PSMA6: variants seen among roughly 807,000 people sequenced by gnomAD.
The protein encoded by PSMA6 is proteasome 20S subunit alpha 6.
For synonymous variants in PSMA6, 88 were observed against 97.7 expected (o/e 0.90, Z 0.59); for missense variants, 170 against 294.8 (o/e 0.58, Z 3.10).
upstream of PSMA6, among the ~76,000 whole-genome samples, chr14:35,290,855 AC>A (rs2051469910): frequency 6.6e-6 from 1 of 152,136 alleles, no homozygotes; most frequent in African/African-American, 2.4e-5. Flanking sequence ...TCCCGGAGCT[AC>A]CTCGCCAGCT....
intron 1 of PSMA6, among the ~76,000 whole-genome samples, chr14:35,297,210 A>G (rs1338267067): frequency 2.6e-5 from 2 of 78,304 alleles, no homozygotes; most frequent in Non-Finnish European, 4.9e-5. Flanking sequence ...ATCCCGTTTT[A>G]TTTTTATTTT....
intron 1 of PSMA6, among the ~76,000 whole-genome samples, chr14:35,295,278 A>G (rs1212323551): frequency 3.3e-5 from 5 of 151,864 alleles, no homozygotes; most frequent in Non-Finnish European, 7.4e-5. Flanking sequence ...CAGAGGTTGC[A>G]GTGAGCCAAG....
At chr14:35,305,247 A>G (rs976666578) in intron 1 of PSMA6, among the ~76,000 whole-genome samples, 1 of 149,320 alleles carries the variant, frequency 6.7e-6, no homozygotes, top group Non-Finnish European at 1.5e-5. Context: ...GGCTCAAGTG[A>G]TCCTCTTGCC....
chr14:35,308,934 C>T lies in PSMA6; in HGVS notation c.192C>T (p.Ser64=), dbSNP rs1429225337. The T allele has an allele frequency of 2.5e-6, 4 of 1,607,934 alleles. No individual in the cohort carries two copies. In the South Asian group the frequency reaches 4.4e-5, roughly 18 times the overall value. Reference sequence around the variant, plus strand: ...ATTAGGACAAATTATTGGATTCCAGCACAGTGACTCACTTATTCAAGATAA... The same window carrying T: ...ATTAGGACAAATTATTGGATTCCAGTACAGTGACTCACTTATTCAAGATAA... ...KKVPDKLLDS[S]TVTHLFKITE... is the part of the protein sequence containing the mutation. The change falls in exon 3 of 7, where the codon AGC becomes AGT. Residue 64 remains serine, a synonymous_variant. Coordinates refer to ENST00000261479, the MANE Select transcript of PSMA6 (RefSeq NM_002791.3).
At chr14:35,305,216 C>T (rs758796841) in intron 1 of PSMA6, among the ~76,000 whole-genome samples, 9 of 150,196 alleles carry the variant, frequency 6.0e-5, no homozygotes, top group Admixed American at 1.3e-4. Context: ...GAGCACGGCT[C>T]ACTGCAGCCT....
intron 1 of PSMA6, among the ~76,000 whole-genome samples, chr14:35,302,830 A>G (rs778272695): frequency 4.0e-5 from 6 of 151,728 alleles, no homozygotes; most frequent in Non-Finnish European, 7.4e-5. Context: ...TACGTATTAT[A>G]TTTTTCAGTT....
At chr14:35,297,254 C>A (rs1180231600) in intron 1 of PSMA6, among the ~76,000 whole-genome samples, 1 of 149,740 alleles carries the variant, frequency 6.7e-6, no homozygotes, top group Non-Finnish European at 1.5e-5. Context: ...CTCGCTCTGT[C>A]ACCCAGGCTG....
chr14:35,305,312 T>A (rs1285343687), intron 1 of PSMA6, among the ~76,000 whole-genome samples: 1 of 152,096 alleles, frequency 6.6e-6, no homozygotes, highest in East Asian at 1.9e-4. Flanking sequence ...AGCTAACATT[T>A]TTTTGTAGAG....
At chr14:35,280,374 C>CT (rs547704339) in intron 1 of PSMA6, among the ~76,000 whole-genome samples, 14,830 of 140,434 alleles carry the variant, frequency 0.11, 777 homozygotes, top group Middle Eastern at 0.16. Context: ...CTCATTGTTT[C>CT]TTTTTTTTTT....
intron 1 of PSMA6, among the ~76,000 whole-genome samples, chr14:35,299,322 A>C (rs1594382849): frequency 4.5e-5 from 1 of 22,238 alleles, no homozygotes; most frequent in African/African-American, 1.5e-4. Flanking sequence ...CGCAGTGCCC[A>C]GCCTCTTTTT....
chr14:35,317,194 G>C lies in PSMA6; in HGVS notation c.684-55G>C, dbSNP rs1027291243. The stretch of plus-strand genomic sequence containing the variant: ...TTATTATACTATCCCACTTTTACGT[G>C]TGTTTGAAAAAATTTTTTTTAAATC... On this transcript the variant is annotated intron_variant, in intron 6 of 6. Transcript: ENST00000261479. The C allele has an allele frequency of 2.0e-5, 28 of 1,434,208 alleles. No homozygotes were observed. In the Admixed American group the frequency reaches 4.5e-4, roughly 23 times the overall value. 88.8% of individuals were successfully genotyped at this position (1,434,208 alleles called of 1,614,324 possible). A position where few individuals can be genotyped will look rare whatever the true frequency, so the allele number is the denominator to read the frequency against.
At chr14:35,289,915 C>CAA (rs750610944), upstream of PSMA6, among the ~76,000 whole-genome samples, 8,044 of 79,008 alleles carry the variant, frequency 0.1, 1,000 homozygotes, top group African/African-American at 0.26. Context: ...TACCGCATTT[C>CAA]AAAAAAAAAA....
At chr14:35,288,064 A>G (rs981173190), upstream of PSMA6, among the ~76,000 whole-genome samples, 1 of 152,240 alleles carries the variant, frequency 6.6e-6, no homozygotes, top group Non-Finnish European at 1.5e-5. Context: ...TCTCTCATTT[A>G]CTGACAAATC....
At chr14:35,282,464 T>G (rs1013950650) in intron 1 of PSMA6, among the ~76,000 whole-genome samples, 2 of 152,134 alleles carry the variant, frequency 1.3e-5, no homozygotes, top group African/African-American at 4.8e-5. Flanking sequence ...TCTCACTATG[T>G]TTCCCAGGCT....
At position 35,310,677 on chromosome 14, in the gene PSMA6, G is replaced by A. The variant is rs180939925; in HGVS notation, c.254-63G>A. On this transcript the variant is annotated intron_variant, in intron 3 of 6. Transcript: ENST00000261479. ...GGTGGGAAAATTGCCTGGCTAAATTGCCTGGCTTTCAGGTTTGTTCTTTCC... is the reference window on the plus strand; with the variant it reads ...GGTGGGAAAATTGCCTGGCTAAATTACCTGGCTTTCAGGTTTGTTCTTTCC... The A allele has an allele frequency of 1.7e-5, 27 of 1,561,944 alleles. No individual in the cohort carries two copies. In the East Asian group the frequency reaches 5.4e-4, roughly 31 times the overall value.
chr14:35,309,112 A>G (rs1456304152), intron 3 of PSMA6, 117 bp downstream of exon 3: 3 of 772,730 alleles, frequency 3.9e-6, no homozygotes, highest in South Asian at 1.9e-5. Context: ...TTCAAGTGCC[A>G]TGAGTGGATT....
chr14:35,314,743 T>C (rs1485082915), intron 6 of PSMA6: 3 of 183,084 alleles, frequency 1.6e-5, no homozygotes, highest in African/African-American at 4.7e-5. Context: ...ATAAGTGTTT[T>C]CTTTTTTTTA....
At position 35,312,719 on chromosome 14, in the gene PSMA6, G is replaced by A. The variant is rs1232126943; in HGVS notation, c.410-162G>A. ...AATTTACCTGTTACCTAATTTACCT[G>A]TGGTGATAACCTGTATTTTATCAGT... On this transcript the variant is annotated intron_variant, in intron 4 of 6. Transcript: ENST00000261479. The A allele has an allele frequency of 9.4e-6, 5 of 532,266 alleles. No individual in the cohort carries two copies. In the Admixed American group the frequency reaches 1.1e-4, roughly 12 times the overall value. 33.0% of individuals were successfully genotyped at this position (532,266 alleles called of 1,614,324 possible).
chr14:35,307,476 G>T (rs1339965580), intron 1 of PSMA6, among the ~76,000 whole-genome samples: 1 of 152,300 alleles, frequency 6.6e-6, no homozygotes, highest in Admixed American at 6.5e-5. Flanking sequence ...GCTCACACCT[G>T]TAATCCCTGC....
Sources: allele counts gnomAD v4.1 joint callset (sites outside exome capture counted in the v4.1 genomes callset), GRCh38; gene constraint gnomAD v4.1.1; transcripts MANE v1.5; gene names NCBI Gene and HGNC (gene_info 2026-07-23, HGNC 2026-07-21).